Variants in ACTR3C observed in about 807,000 individuals in gnomAD.
ACTR3C encodes the protein actin-related protein 3C.
A neutral mutation model predicts 26.3 loss-of-function variants in ACTR3C; 18 were observed. The ratio of observed to expected loss-of-function variants is 0.68; its 90% CI spans 0.47 to 1.01. The LOEUF (loss-of-function observed/expected upper bound fraction) is 1.01, where lower values mean the gene tolerates loss of function less well. Among genes scored for constraint, ACTR3C ranks in the 50% least tolerant of loss-of-function variants. The pLI, the probability that ACTR3C is intolerant of heterozygous loss-of-function variation, is 0.00. For missense variants in ACTR3C, 184 were observed against 250.7 expected (o/e 0.73, Z 1.80); for synonymous variants, 55 against 94.5 (o/e 0.58, Z 2.42).
the ACTR3C span, among the ~76,000 whole-genome samples, chr7:150,020,968 C>T: frequency 3.3e-5 from 5 of 151,918 alleles, no homozygotes; most frequent in Admixed American, 2.6e-4. Flanking sequence ...TTACAGGCAC[C>T]CGCCACCGTG....
At chr7:150,016,796 C>A in the ACTR3C span, among the ~76,000 whole-genome samples, 1 of 152,136 alleles carries the variant, frequency 6.6e-6, no homozygotes, top group Non-Finnish European at 1.5e-5. Context: ...AGGCAATCCT[C>A]TAGCACAGGC....
At chr7:150,131,820 T>C in the ACTR3C span, among the ~76,000 whole-genome samples, 1 of 152,238 alleles carries the variant, frequency 6.6e-6, no homozygotes. Flanking sequence ...ATGTCCACCA[T>C]GGATCAACAG....
chr7:150,021,801 A>G, the ACTR3C span, among the ~76,000 whole-genome samples: 1 of 152,018 alleles, frequency 6.6e-6, no homozygotes, highest in African/African-American at 2.4e-5. Context: ...CCATTGTTTC[A>G]TTCATTTCTT....
At chr7:150,227,676 G>T in the ACTR3C span, among the ~76,000 whole-genome samples, 10 of 140,410 alleles carry the variant, frequency 7.1e-5, no homozygotes, top group African/African-American at 1.9e-4. Flanking sequence ...AAGGTATAAG[G>T]TTTGTGTCTG....
At chr7:150,240,095 G>T (rs1446679918), downstream of ACTR3C, among the ~76,000 whole-genome samples, 1 of 152,136 alleles carries the variant, frequency 6.6e-6, no homozygotes, top group African/African-American at 2.4e-5. Context: ...GGATGAGTTT[G>T]ACTAAGCAAA....
At chr7:149,941,758 G>A in the ACTR3C span, among the ~76,000 whole-genome samples, 40,143 of 152,082 alleles carry the variant, frequency 0.26, 6,086 homozygotes, top group South Asian at 0.37. Flanking sequence ...GAGATGGGAG[G>A]ACACCCAAGA....
the ACTR3C span, among the ~76,000 whole-genome samples, chr7:150,164,847 G>A: frequency 6.6e-6 from 1 of 152,086 alleles, no homozygotes; most frequent in Non-Finnish European, 1.5e-5. Flanking sequence ...AACAAGGAAG[G>A]CCCCTTAAAT....
the ACTR3C span, among the ~76,000 whole-genome samples, chr7:150,010,693 CA>C: frequency 0.52 from 61,078 of 117,612 alleles, 14,341 homozygotes; most frequent in East Asian, 0.76. Flanking sequence ...GACTCCATCT[CA>C]AAAAAAAAAA....
chr7:150,174,571 G>GAA, the ACTR3C span, among the ~76,000 whole-genome samples: 65 of 99,862 alleles, frequency 6.5e-4, 12 homozygotes, highest in African/African-American at 3.1e-3. Context: ...ATCCTGCTCT[G>GAA]AAAAAAAAAA....
At chr7:150,035,835 G>A in the ACTR3C span, among the ~76,000 whole-genome samples, 9 of 128,522 alleles carry the variant, frequency 7.0e-5, 2 homozygotes, top group East Asian at 4.5e-4. Flanking sequence ...CCTTGCGGGG[G>A]TTGCCTCTCC....
chr7:150,323,438 A>AGGCGGCG (rs907253198), intron 1 of ACTR3C, 31 bp downstream of exon 1: 6 of 346,444 alleles, frequency 1.7e-5, no homozygotes, highest in African/African-American at 4.6e-5. Flanking sequence ...AGGGGCCGCC[A>AGGCGGCG]GGCGGCGGGC....
downstream of ACTR3C, among the ~76,000 whole-genome samples, chr7:150,242,215 C>CAA (rs138460541): frequency 5.4e-5 from 7 of 130,102 alleles, no homozygotes; most frequent in African/African-American, 1.1e-4. Flanking sequence ...GAACTTGTCT[C>CAA]AAAAAAAAAA....
chr7:150,034,942 G>A, the ACTR3C span, among the ~76,000 whole-genome samples: 407 of 125,936 alleles, frequency 3.2e-3, 4 homozygotes, highest in African/African-American at 8.9e-3. Flanking sequence ...AGCCAGGGGC[G>A]GAAGAGGGGA....
At chr7:150,071,628 C>G in the ACTR3C span, among the ~76,000 whole-genome samples, 1 of 132,510 alleles carries the variant, frequency 7.5e-6, no homozygotes, top group Non-Finnish European at 1.8e-5. Context: ...GTGCCGGACT[C>G]TCAGAGGCAC....
At chr7:150,083,002 G>C in the ACTR3C span, among the ~76,000 whole-genome samples, 1 of 136,070 alleles carries the variant, frequency 7.3e-6, no homozygotes, top group African/African-American at 2.8e-5. Context: ...CTGGAGTGCA[G>C]TGGTGCCATC....
chr7:150,201,540 G>A, the ACTR3C span, among the ~76,000 whole-genome samples: 1 of 151,196 alleles, frequency 6.6e-6, no homozygotes, highest in East Asian at 1.9e-4. Flanking sequence ...CTGAGGTCAG[G>A]AGTTCAAGAC....
chr7:150,037,882 A>ACCCG, the ACTR3C span, among the ~76,000 whole-genome samples: 1 of 86,004 alleles, frequency 1.2e-5, no homozygotes. Flanking sequence ...CTAAGAGCAA[A>ACCCG]GGGGGGAAGA....
intron 3 of ACTR3C, among the ~76,000 whole-genome samples, chr7:150,292,155 GTATGTAAATA>G (rs1836318179): frequency 6.6e-6 from 1 of 150,422 alleles, no homozygotes; most frequent in African/African-American, 2.5e-5. Context: ...AGAGCTGTGT[GTATGTAAATA>G]TATACACAAA....
the ACTR3C span, among the ~76,000 whole-genome samples, chr7:149,948,637 G>A: frequency 6.6e-6 from 1 of 151,406 alleles, no homozygotes; most frequent in African/African-American, 2.5e-5. Context: ...TCCCCGGGCA[G>A]TTGCTGGTGT....
Sources: gnomAD v4.1 joint callset for allele counts (sites outside exome capture counted in the v4.1 genomes callset) on GRCh38, gnomAD v4.1.1 for gene constraint, MANE v1.5 for transcripts, NCBI Gene and HGNC (gene_info 2026-07-23, HGNC 2026-07-21) for gene names.